CUL9: variants seen among roughly 807,000 people sequenced by gnomAD.
CUL9 encodes cullin 9.
CUL9 carries 79 observed loss-of-function variants against 272.6 expected under a neutral mutation model. The observed-to-expected ratio is 0.29, with a 90% confidence interval of 0.24 to 0.35. The LOEUF (loss-of-function observed/expected upper bound fraction) is 0.35, where lower values mean the gene tolerates loss of function less well. Among genes scored for constraint, CUL9 ranks in the 10% least tolerant of loss-of-function variants. The pLI, the probability that CUL9 is intolerant of heterozygous loss-of-function variation, is 1.00. For missense variants in CUL9, 2,532 were observed against 3,255.6 expected (o/e 0.78, Z 5.41); for synonymous variants, 1,186 against 1,286.5 (o/e 0.92, Z 1.67).
chr6:43,209,050 G>T (rs1235972201), intron 26 of CUL9, among the ~76,000 whole-genome samples: 1 of 151,704 alleles, frequency 6.6e-6, no homozygotes, highest in Admixed American at 6.6e-5. Flanking sequence ...TGGCCAGGCT[G>T]TTCTCGAACT....
At position 43,205,994 on chromosome 6, in the gene CUL9, G is replaced by A. The variant is rs774547821; in HGVS notation, c.4794-13G>A. 10 of 1,611,222 alleles carry A rather than the reference G, an allele frequency of 6.2e-6. No individual in the cohort carries two copies. The highest frequency in any genetic ancestry group is 8.5e-6 in the Non-Finnish European group (10 of 1,177,804). ...CCCACACTGAGGCTTGGCCCGGGCT[G>A]TGTGTGCTGCAGGCATTATATGGCG... On this transcript the variant is annotated splice_polypyrimidine_tract_variant and intron_variant, in intron 24 of 40. Coordinates refer to ENST00000252050, the MANE Select transcript of CUL9 (RefSeq NM_015089.4).
intron 11 of CUL9, chr6:43,198,313 A>G (rs1219821870): frequency 1.0e-6 from 1 of 978,872 alleles, no homozygotes; most frequent in Non-Finnish European, 1.2e-6. Context: ...ACAGGGATAT[A>G]ATCATCATAG....
chr6:43,215,219 T>C lies in CUL9; in HGVS notation c.5829T>C (p.Asp1943=), dbSNP rs962032031. 1 of 1,614,118 alleles carries C rather than the reference T, an allele frequency of 6.2e-7. No homozygotes were observed. The highest frequency in any genetic ancestry group is 8.5e-7 in the Non-Finnish European group (1 of 1,180,036). ...LLGQGYVKRR[D]DRPQILMYAA... is the part of the protein sequence containing the mutation. Reference sequence around the variant, plus strand: ...GCCAGGGCTACGTGAAACGGCGTGATGACCGGCCCCAGATCCTGATGTATG... The same window carrying C: ...GCCAGGGCTACGTGAAACGGCGTGACGACCGGCCCCAGATCCTGATGTATG... Residue 1943 remains aspartate (D), a synonymous_variant, in exon 30 of 41, where the codon GAT becomes GAC. Coordinates refer to ENST00000252050, the MANE Select transcript of CUL9 (RefSeq NM_015089.4).
chr6:43,199,560 T>G lies in CUL9; in HGVS notation c.3156+189T>G, dbSNP rs554963181. On this transcript the variant is annotated intron_variant, in intron 13 of 40. Coordinates refer to ENST00000252050, the MANE Select transcript of CUL9 (RefSeq NM_015089.4). The surrounding 1 kb of genome is among the most constrained non-coding windows in gnomAD (Gnocchi z 4.4). ...TGGAATCTTTGAAGTATAAACCTTT[T>G]AGATGATTTTAGATTTGGAGTTTAG... 1.1e-3 allele frequency among the ~76,000 whole-genome samples: 168 copies of G among 152,324 alleles called. No homozygotes were observed. The highest frequency in any genetic ancestry group is 3.2e-3 in the African/African-American group (134 of 41,580).
At position 43,199,400 on chromosome 6, in the gene CUL9, G is replaced by T. The variant is rs1221693938; in HGVS notation, c.3156+29G>T. 5 of 1,564,426 alleles carry T rather than the reference G, an allele frequency of 3.2e-6. No homozygotes were observed. The highest frequency in any genetic ancestry group is 1.1e-5 in the South Asian group (1 of 90,074). ...CCAGAACCCTGGCAAGGAGAAGAGAGGGAAGGGCAGCATCTGGGGCACCAA... is the reference window on the plus strand; with the variant it reads ...CCAGAACCCTGGCAAGGAGAAGAGATGGAAGGGCAGCATCTGGGGCACCAA... On this transcript the variant is annotated intron_variant, in intron 13 of 40. Transcript: ENST00000252050. The surrounding 1 kb of genome is among the most constrained non-coding windows in gnomAD (Gnocchi z 4.4).
intron 30 of CUL9, 145 bp downstream of exon 30, chr6:43,215,471 T>C (rs1775861202): frequency 8.3e-7 from 1 of 1,199,710 alleles, no homozygotes; most frequent in Admixed American, 2.9e-5. Flanking sequence ...TTGGTAGTTT[T>C]TATTGACCCT....
Position 43,213,856 on chromosome 6 carries a change from C to G in CUL9, c.5632C>G (p.Arg1878Gly). ...KRNLLSCLLV[R>G]ILKAHGEKGL... Reference sequence around the variant, plus strand: ...GAATCTCTTGAGCTGTCTTCTTGTTCGTATTCTCAAAGCCCATGGGGAAAA... The same window carrying G: ...GAATCTCTTGAGCTGTCTTCTTGTTGGTATTCTCAAAGCCCATGGGGAAAA... The change falls in exon 29 of 41, where the codon CGT becomes GGT. Residue 1878 changes from arginine to glycine, a missense_variant. Coordinates refer to ENST00000252050, the MANE Select transcript of CUL9 (RefSeq NM_015089.4). This position sits in a 1 kb window ranked among gnomAD's most constrained non-coding sequence, Gnocchi z 5.7. The G allele has an allele frequency of 6.2e-7, 1 of 1,614,128 alleles. No individual in the cohort carries two copies.
intron 31 of CUL9, 139 bp downstream of exon 31, chr6:43,216,642 TTAAAC>T: frequency 1.3e-6 from 1 of 798,294 alleles, no homozygotes; most frequent in Non-Finnish European, 1.9e-6. Flanking sequence ...TTAGTCCTTC[TTAAAC>T]TAGTTTTGTC....
At position 43,224,078 on chromosome 6, in the gene CUL9, T is replaced by TTCTG; in HGVS notation, c.7285-12_7285-9dup. 6.2e-7 allele frequency: 1 copy of TTCTG among 1,613,914 alleles called. No individual in the cohort carries two copies. The highest frequency in any genetic ancestry group is 8.5e-7 in the Non-Finnish European group (1 of 1,179,786). ...TGCCCTCTACCTCCTTCTCAAATCCTTCTGTCTGCTCACCAGGATTTCCGG... is the reference window on the plus strand; with the variant it reads ...TGCCCTCTACCTCCTTCTCAAATCCTTCTGTCTGTCTGCTCACCAGGATTTCCGG... On this transcript the variant is annotated splice_polypyrimidine_tract_variant and intron_variant, in intron 39 of 40. Transcript: ENST00000252050. The surrounding 1 kb of genome is among the most constrained non-coding windows in gnomAD (Gnocchi z 4.2).
chr6:43,190,141 AGTGTTCTAAC>A (rs1268852320), intron 8 of CUL9, among the ~76,000 whole-genome samples: 1 of 152,166 alleles, frequency 6.6e-6, no homozygotes, highest in East Asian at 1.9e-4. Flanking sequence ...TTTCAAGTGC[AGTGTTCTAAC>A]GCGTCTGTTT....
At position 43,202,752 on chromosome 6, in the gene CUL9, C is replaced by G. The variant is rs764316771; in HGVS notation, c.3684C>G (p.Ser1228Arg). The G allele has an allele frequency of 2.2e-5, 35 of 1,614,162 alleles. No homozygotes were observed. Among genetic ancestry groups the G allele is most frequent in the Non-Finnish European group, 2.9e-5 (34 of 1,180,030 alleles). The change falls in exon 17 of 41, where the codon AGC (serine) becomes AGG (arginine). Residue 1228 changes from serine to arginine, a missense_variant. By Grantham distance (110) the Ser-to-Arg change is moderately radical. Coordinates refer to ENST00000252050, the MANE Select transcript of CUL9 (RefSeq NM_015089.4). Reference sequence around the variant, plus strand: ...TGCTGGTGGCCAGTGAGGACTCAAGCTACATGCCAGCCAGGGTGGTGGTGT... The same window carrying G: ...TGCTGGTGGCCAGTGAGGACTCAAGGTACATGCCAGCCAGGGTGGTGGTGT... ...LTLLVASEDSSYMPARVVVFG... is the reference protein window; with the variant it reads ...LTLLVASEDSRYMPARVVVFG...
At chr6:43,214,060 C>T in intron 29 of CUL9, 148 bp downstream of exon 29, 1 of 764,842 alleles carries the variant, frequency 1.3e-6, no homozygotes, top group Non-Finnish European at 2.1e-6. Flanking sequence ...AGATAGACAG[C>T]AGATAAAGAT....
chr6:43,183,734 C>T (rs1431996430), intron 1 of CUL9, among the ~76,000 whole-genome samples: 2 of 150,406 alleles, frequency 1.3e-5, no homozygotes, highest in Non-Finnish European at 1.5e-5. Context: ...TCCTTCCTTC[C>T]TTCCTCTCTC....
In CUL9 at chr6:43,213,939, G is replaced by A; in HGVS notation, c.5688+27G>A. The A allele has an allele frequency of 6.2e-7, 1 of 1,611,424 alleles. No individual in the cohort carries two copies. The highest frequency in any genetic ancestry group is 8.5e-7 in the Non-Finnish European group (1 of 1,177,902). On this transcript the variant is annotated intron_variant, in intron 29 of 40. Transcript: ENST00000252050. The surrounding 1 kb of genome is among the most constrained non-coding windows in gnomAD (Gnocchi z 5.7). ...TAGGCAGAGAGGGGACCATGAAGTT[G>A]GCGGAGGGAGGGAGTCATGCTTGGG...
Position 43,224,107 on chromosome 6 carries a change from G to GA in CUL9, c.7297_7298insA (p.Gly2433GlufsTer38). The GA allele has an allele frequency of 6.2e-7, 1 of 1,614,202 alleles. No individual in the cohort carries two copies. Among genetic ancestry groups the GA allele is most frequent in the Non-Finnish European group, 8.5e-7 (1 of 1,180,020 alleles). On this transcript the variant is annotated frameshift_variant, in exon 40 of 41. Coordinates refer to ENST00000252050, the MANE Select transcript of CUL9 (RefSeq NM_015089.4). LOFTEE classifies it high-confidence loss of function. The surrounding 1 kb of genome is among the most constrained non-coding windows in gnomAD (Gnocchi z 4.2). ...GTCTGCTCACCAGGATTTCCGGGTTGGTCTTCAGAGTCCATCAGTAGAGGC... is the reference window on the plus strand; with the variant it reads ...GTCTGCTCACCAGGATTTCCGGGTTGAGTCTTCAGAGTCCATCAGTAGAGGC...
rs763387311 is a variant in CUL9, at chr6:43,188,601, A to G, written c.2066A>G (p.Gln689Arg). Reference protein sequence around the residue: ...QHVAAVVATVQISSLDTNLQL... With the variant: ...QHVAAVVATVRISSLDTNLQL... ...GTGGCAGCGGTCGTGGCCACTGTGC[A>G]GATATCCAGCTTGGACACAAACCTG... Residue 689 changes from glutamine (Q) to arginine (R), a missense_variant, in exon 8 of 41, where the codon CAG becomes CGG. Gln to Arg is a conservative substitution (Grantham distance 43). Transcript: ENST00000252050. 4 of 1,614,094 alleles carry G rather than the reference A, an allele frequency of 2.5e-6. No homozygotes were observed. Among genetic ancestry groups the G allele is most frequent in the East Asian group, 2.2e-5 (1 of 44,896 alleles).
Position 43,187,551 on chromosome 6 carries a change from TAG to T in CUL9, c.1581+115_1581+116del, listed in dbSNP as rs1335985501. The T allele has an allele frequency of 4.4e-6, 6 of 1,351,580 alleles. No individual in the cohort carries two copies. The South Asian group carries it at 8.1e-5, about 18-fold the overall frequency. The allele number at this position is 1,351,580 out of a possible 1,614,324, so 83.7% of individuals were successfully genotyped here. A position where few individuals can be genotyped will look rare whatever the true frequency, so the allele number is the denominator to read the frequency against. Reference sequence around the variant, plus strand: ...TTAGGGGGAGGCTGGAGCTAGAGATTAGAGTTAGGAGGAGTCCTGCTGGGGGT... The same window carrying T: ...TTAGGGGGAGGCTGGAGCTAGAGATTAGTTAGGAGGAGTCCTGCTGGGGGT... On this transcript the variant is annotated intron_variant, in intron 6 of 40. Transcript: ENST00000252050.
At chr6:43,182,420 C>T (rs989582769) in intron 1 of CUL9, among the ~76,000 whole-genome samples, 171 bp downstream of exon 1, 4 of 151,844 alleles carry the variant, frequency 2.6e-5, no homozygotes, top group Non-Finnish European at 5.9e-5. Flanking sequence ...TCCCCCTCCC[C>T]CCAAACCCGT....
intron 5 of CUL9, 54 bp from the exon 6 acceptor site, chr6:43,187,192 G>A: frequency 6.2e-7 from 1 of 1,605,308 alleles, no homozygotes; most frequent in Non-Finnish European, 8.5e-7. Context: ...TAGGGGTCCA[G>A]AAATAGACCC....
Sources: allele counts gnomAD v4.1 joint callset (sites outside exome capture counted in the v4.1 genomes callset), GRCh38; gene constraint gnomAD v4.1.1; non-coding constraint Gnocchi (gnomAD v3.1); transcripts MANE v1.5; gene names NCBI Gene and HGNC (gene_info 2026-07-23, HGNC 2026-07-21).